The following PDE4D variants were observed in gnomAD, a reference collection of about 807,000 sequenced individuals.
The protein encoded by PDE4D is phosphodiesterase 4D.
PDE4D carries 24 observed loss-of-function variants against 87.4 expected under a neutral mutation model. That is an observed-to-expected ratio of 0.27 (90% confidence interval 0.20 to 0.39). The LOEUF (loss-of-function observed/expected upper bound fraction) is 0.39, where lower values mean the gene tolerates loss of function less well. Among genes scored for constraint, PDE4D ranks in the 10% least tolerant of loss-of-function variants. The probability of loss-of-function intolerance (pLI) is 1.00; values close to 1 mark genes in which losing one functional copy is unlikely to be tolerated. For synonymous variants in PDE4D, 384 were observed against 383.2 expected (o/e 1.00, Z -0.02); for missense variants, 714 against 1,041.0 (o/e 0.69, Z 4.32).
At chr5:60,187,926 T>G (rs1004873432) in intron 1 of PDE4D, among the ~76,000 whole-genome samples, 1 of 152,226 alleles carries the variant, frequency 6.6e-6, no homozygotes, top group East Asian at 1.9e-4. Flanking sequence ...TACACATATG[T>G]GTTTTCAAAA....
At chr5:60,509,273 AT>A (rs1750463528) in intron 1 of PDE4D, among the ~76,000 whole-genome samples, 1 of 152,200 alleles carries the variant, frequency 6.6e-6, no homozygotes, top group Non-Finnish European at 1.5e-5. Flanking sequence ...CATTAAACGT[AT>A]CATGGAAAGG....
intron 1 of PDE4D, among the ~76,000 whole-genome samples, chr5:59,504,418 A>G (rs1322731948): frequency 1.3e-5 from 2 of 152,170 alleles, no homozygotes; most frequent in African/African-American, 4.8e-5. Context: ...CACCATCTCA[A>G]CCCAGTTAAA....
intron 1 of PDE4D, among the ~76,000 whole-genome samples, chr5:60,450,945 T>C (rs763107002): frequency 3.3e-5 from 5 of 152,128 alleles, no homozygotes; most frequent in Non-Finnish European, 5.9e-5. Context: ...TACATATAAA[T>C]GACAAAGCAG....
intron 1 of PDE4D, among the ~76,000 whole-genome samples, chr5:60,390,892 G>C (rs1762519964): frequency 6.6e-6 from 1 of 151,934 alleles, no homozygotes; most frequent in Non-Finnish European, 1.5e-5. Context: ...GAAGTCCTCG[G>C]GTCTTTATTT....
At chr5:59,347,116 G>A (rs1779735258) in intron 1 of PDE4D, among the ~76,000 whole-genome samples, 1 of 152,110 alleles carries the variant, frequency 6.6e-6, no homozygotes, top group Admixed American at 6.6e-5. Flanking sequence ...CTTTGGATGG[G>A]AACACAAATC....
At chr5:60,104,176 C>T (rs145319468) in intron 2 of PDE4D, among the ~76,000 whole-genome samples, 4,329 of 152,302 alleles carry the variant, frequency 0.028, 193 homozygotes, top group African/African-American at 0.099. Flanking sequence ...GCTTTTCCCA[C>T]GGGCTAAAAA....
intron 1 of PDE4D, among the ~76,000 whole-genome samples, chr5:60,312,547 C>T (rs973956315): frequency 7.9e-5 from 12 of 152,222 alleles, no homozygotes; most frequent in Non-Finnish European, 1.3e-4. Flanking sequence ...CTTCACAAGG[C>T]GGCAGGATGG....
intron 13 of PDE4D, 99 bp downstream of exon 13, chr5:58,976,251 G>T: frequency 7.9e-7 from 1 of 1,273,602 alleles, no homozygotes; most frequent in East Asian, 2.6e-5. Flanking sequence ...AGTATAAGGT[G>T]GGAGAAGGAA....
intron 5 of PDE4D, among the ~76,000 whole-genome samples, chr5:59,121,616 T>C (rs1580906735): frequency 6.6e-6 from 1 of 151,812 alleles, no homozygotes; most frequent in Admixed American, 6.6e-5. Context: ...ATATCACCAG[T>C]GGGAATGTAA....
At chr5:60,191,543 TC>T (rs1354128968) in intron 1 of PDE4D, among the ~76,000 whole-genome samples, 1 of 152,136 alleles carries the variant, frequency 6.6e-6, no homozygotes, top group Non-Finnish European at 1.5e-5. Flanking sequence ...TCCTGAGACC[TC>T]CCCAGCCATG....
chr5:59,434,951 A>G (rs1013626634), intron 1 of PDE4D, among the ~76,000 whole-genome samples: 27 of 152,148 alleles, frequency 1.8e-4, no homozygotes, highest in Admixed American at 1.6e-3. Context: ...GTTGGGCCCT[A>G]TTATTATACT....
chr5:59,587,868 C>A (rs1418205125), intron 1 of PDE4D, among the ~76,000 whole-genome samples: 1 of 152,084 alleles, frequency 6.6e-6, no homozygotes, highest in African/African-American at 2.4e-5. Context: ...AGGGAAATTA[C>A]GCCTTAAACA....
intron 1 of PDE4D, chr5:60,459,750 G>A: frequency 2.4e-6 from 1 of 416,148 alleles, no homozygotes; most frequent in Non-Finnish European, 4.6e-6. Flanking sequence ...TCAACAACAG[G>A]GCAACAGAGC....
chr5:60,183,104 T>C (rs752782218), intron 2 of PDE4D, among the ~76,000 whole-genome samples: 3 of 152,124 alleles, frequency 2.0e-5, no homozygotes, highest in Non-Finnish European at 4.4e-5. Flanking sequence ...CTCTCTGCCA[T>C]GTGAGGACCC....
At chr5:60,070,825 G>T (rs1772633767) in intron 2 of PDE4D, among the ~76,000 whole-genome samples, 1 of 151,908 alleles carries the variant, frequency 6.6e-6, no homozygotes, top group Non-Finnish European at 1.5e-5. Flanking sequence ...TTTCCTTCCT[G>T]GGAGCTTTGT....
intron 3 of PDE4D, among the ~76,000 whole-genome samples, chr5:59,945,083 A>G (rs1186347162): frequency 6.6e-6 from 1 of 152,238 alleles, no homozygotes; most frequent in African/African-American, 2.4e-5. Context: ...ATTGAGAAGC[A>G]ATAAAATTTC....
intron 1 of PDE4D, among the ~76,000 whole-genome samples, chr5:59,574,062 A>ATATATATT (rs1561240021): frequency 6.5e-5 from 2 of 30,818 alleles, no homozygotes; most frequent in African/African-American, 2.6e-4. Flanking sequence ...ATATATAAAA[A>ATATATATT]TATATATATT....
intron 1 of PDE4D, among the ~76,000 whole-genome samples, chr5:59,613,233 G>A (rs1829224470): frequency 6.6e-6 from 1 of 151,952 alleles, no homozygotes; most frequent in African/African-American, 2.4e-5. Context: ...GGAGTGTGAG[G>A]AAAAAAAGAG....
intron 2 of PDE4D, among the ~76,000 whole-genome samples, chr5:59,201,518 G>T (rs973434109): frequency 4.6e-5 from 7 of 152,090 alleles, no homozygotes; most frequent in African/African-American, 1.7e-4. Context: ...GGAGGCATTA[G>T]ATTTTTTTAT....
Sources: gnomAD v4.1 joint callset for allele counts (sites outside exome capture counted in the v4.1 genomes callset) on GRCh38, gnomAD v4.1.1 for gene constraint, MANE v1.5 for transcripts, NCBI Gene and HGNC (gene_info 2026-07-23, HGNC 2026-07-21) for gene names.